Variants in INSYN2B observed in about 807,000 individuals in gnomAD.
INSYN2B encodes inhibitory synaptic factor family member 2B, also known as protein INSYN2B.
A neutral mutation model predicts 41.2 loss-of-function variants in INSYN2B; 16 were observed. The observed-to-expected ratio is 0.39, with a 90% CI of 0.26 to 0.59. The LOEUF (loss-of-function observed/expected upper bound fraction) is 0.59. Among genes scored for constraint, INSYN2B ranks in the 20% least tolerant of loss-of-function variants. The pLI, the probability that INSYN2B is intolerant of heterozygous loss-of-function variation, is 0.57. For synonymous variants in INSYN2B, 245 were observed against 244.4 expected, an observed-to-expected ratio of 1.00 and a Z score of -0.02; for missense variants, 608 against 646.4, an observed-to-expected ratio of 0.94 and a Z score of 0.64.
chr5:169,885,466 C>A (rs1014596208), intron 1 of INSYN2B, among the ~76,000 whole-genome samples: 8 of 152,346 alleles, frequency 5.3e-5, no homozygotes, highest in African/African-American at 1.9e-4. Context: ...GACCTGTGAA[C>A]TCGTTCTGCT....
intron 1 of INSYN2B, among the ~76,000 whole-genome samples, chr5:169,912,938 T>C (rs984719961): frequency 6.6e-6 from 1 of 152,162 alleles, no homozygotes; most frequent in Non-Finnish European, 1.5e-5. Flanking sequence ...GGGTCTGCAG[T>C]TTTGAAGAAA....
At chr5:169,892,058 A>G (rs1163112880) in intron 1 of INSYN2B, among the ~76,000 whole-genome samples, 1 of 152,012 alleles carries the variant, frequency 6.6e-6, no homozygotes, top group Non-Finnish European at 1.5e-5. Flanking sequence ...ACTACAACAA[A>G]CTTTAGACCT....
Position 169,886,816 on chromosome 5 carries a change from C to T in INSYN2B, c.-918-2000G>A, listed in dbSNP as rs190397047. 5.9e-5 allele frequency among the ~76,000 whole-genome samples: 9 copies of T among 152,270 alleles called. No individual in the cohort carries two copies. The East Asian group carries it at 1.5e-3, about 26-fold the overall frequency. On this transcript the variant is annotated intron_variant, in intron 1 of 3. Transcript: ENST00000377365. The stretch of plus-strand genomic sequence containing the variant: ...TGCTTTCTTCTTAACTGCTCATTAG[C>T]ACTTCATTCTGGGAACGATAACTCA...
intron 1 of INSYN2B, among the ~76,000 whole-genome samples, chr5:169,929,814 A>T (rs1301929802): frequency 1.3e-5 from 2 of 151,410 alleles, no homozygotes; most frequent in African/African-American, 2.4e-5. Context: ...TTGACCTAGC[A>T]CTTTCCTATA....
intron 1 of INSYN2B, among the ~76,000 whole-genome samples, chr5:169,895,347 C>A (rs1323038060): frequency 6.6e-6 from 1 of 152,086 alleles, no homozygotes; most frequent in Admixed American, 6.5e-5. Flanking sequence ...GTAGAGAGAA[C>A]CACCCAGCCT....
intron 1 of INSYN2B, among the ~76,000 whole-genome samples, chr5:169,969,150 A>G (rs1777407969): frequency 6.6e-6 from 1 of 152,142 alleles, no homozygotes; most frequent in Non-Finnish European, 1.5e-5. Context: ...CTCTGTTTCA[A>G]AAAAGAAAAA....
At chr5:169,903,309 A>G (rs1774052681) in intron 1 of INSYN2B, among the ~76,000 whole-genome samples, 1 of 98,922 alleles carries the variant, frequency 1.0e-5, no homozygotes, top group Admixed American at 1.2e-4. Context: ...CAACAACAAC[A>G]ATAAAAAAAA....
rs373013317 is a variant in INSYN2B at position 169,945,526 on chromosome 5, G to A, written c.-919+34751C>T. Among the ~76,000 whole-genome samples, 247 of 152,352 alleles carry A rather than the reference G, an allele frequency of 1.6e-3. 3 individuals are homozygous for A. In the South Asian group the frequency reaches 0.043, roughly 27 times the overall value. ...GTTGTCTCATGCAATCTTCCCAGGCGTTCTTTTTTAATTAGGGAGATAGTA... is the reference window on the plus strand; with the variant it reads ...GTTGTCTCATGCAATCTTCCCAGGCATTCTTTTTTAATTAGGGAGATAGTA... On this transcript the variant is annotated intron_variant, in intron 1 of 3. Transcript: ENST00000377365.
At chr5:169,903,070 C>G (rs1774030561) in intron 1 of INSYN2B, among the ~76,000 whole-genome samples, 1 of 151,386 alleles carries the variant, frequency 6.6e-6, no homozygotes, top group Non-Finnish European at 1.5e-5. Context: ...TGTACTCCAG[C>G]CTGGCGACAG....
intron 1 of INSYN2B, among the ~76,000 whole-genome samples, chr5:169,923,990 G>A (rs931228829): frequency 1.3e-5 from 2 of 152,342 alleles, no homozygotes; most frequent in East Asian, 1.9e-4. Flanking sequence ...GATTAATAAC[G>A]TTTATCATTC....
In INSYN2B at chr5:169,893,162, C is replaced by G. The variant is rs753102487; in HGVS notation, c.-918-8346G>C. Among the ~76,000 whole-genome samples, 3 of 152,178 alleles carry G rather than the reference C, an allele frequency of 2.0e-5. No homozygotes were observed. The East Asian group carries it at 5.8e-4, about 29-fold the overall frequency. On this transcript the variant is annotated intron_variant, in intron 1 of 3. Coordinates refer to ENST00000377365, the MANE Select transcript of INSYN2B (RefSeq NM_001129891.3). ...GGGGAATCAGCATCTCTTGAATTTC[C>G]TCTTTTGCAAGCCTCAGGGCACCTG...
intron 1 of INSYN2B, among the ~76,000 whole-genome samples, chr5:169,947,842 T>C (rs1361301378): frequency 2.0e-5 from 3 of 151,400 alleles, no homozygotes; most frequent in African/African-American, 7.3e-5. Context: ...ACAGCATAAA[T>C]ACCTACAGCA....
chr5:169,864,169 G>GC lies in INSYN2B; in HGVS notation c.*103dup. The GC allele has an allele frequency of 2.8e-6, 3 of 1,055,838 alleles. No individual in the cohort carries two copies. The South Asian group carries it at 4.3e-5, about 15-fold the overall frequency. The allele number at this position is 1,055,838 out of a possible 1,614,324, so 65.4% of individuals were successfully genotyped here. On this transcript the variant is annotated 3_prime_UTR_variant, in exon 4 of 4. Coordinates refer to ENST00000377365, the MANE Select transcript of INSYN2B (RefSeq NM_001129891.3). Reference sequence around the variant, plus strand: ...TGTTTCACAGGCCAAGGGGCTCACAGCCCAGGGCCTTTGCAAAGAAGCAGG... The same window carrying GC: ...TGTTTCACAGGCCAAGGGGCTCACAGCCCCAGGGCCTTTGCAAAGAAGCAGG...
At chr5:169,902,341 C>T (rs1468279575) in intron 1 of INSYN2B, among the ~76,000 whole-genome samples, 3 of 152,172 alleles carry the variant, frequency 2.0e-5, no homozygotes. Context: ...TTATATGATC[C>T]TCATGTTCCC....
intron 1 of INSYN2B, among the ~76,000 whole-genome samples, chr5:169,944,505 C>T (rs1776369624): frequency 6.6e-6 from 1 of 152,198 alleles, no homozygotes; most frequent in Non-Finnish European, 1.5e-5. Context: ...GCAGCCAGGC[C>T]TGTGCAGTGA....
chr5:169,932,995 T>C (rs975644731), intron 1 of INSYN2B, among the ~76,000 whole-genome samples: 3 of 152,162 alleles, frequency 2.0e-5, no homozygotes, highest in African/African-American at 7.2e-5. Context: ...TCTGCCTCTG[T>C]CTGCCATTCT....
chr5:169,936,305 AGCAAGG>A (rs1048809261), intron 1 of INSYN2B, among the ~76,000 whole-genome samples: 6 of 152,340 alleles, frequency 3.9e-5, no homozygotes, highest in African/African-American at 1.4e-4. Context: ...GCTAGGCTGC[AGCAAGG>A]GCAGTGGGTT....
chr5:169,970,196 G>A (rs527321259), intron 1 of INSYN2B, among the ~76,000 whole-genome samples: 9 of 152,316 alleles, frequency 5.9e-5, no homozygotes, highest in South Asian at 4.1e-4. Flanking sequence ...TTTGGATGCC[G>A]TGCACAGAAT....
At chr5:169,918,348 A>C (rs1774986260) in intron 1 of INSYN2B, among the ~76,000 whole-genome samples, 1 of 152,238 alleles carries the variant, frequency 6.6e-6, no homozygotes, top group African/African-American at 2.4e-5. Context: ...TCTTCTGCTC[A>C]GTATCTAACC....
Sources: allele counts gnomAD v4.1 joint callset (sites outside exome capture counted in the v4.1 genomes callset), GRCh38; gene constraint gnomAD v4.1.1; transcripts MANE v1.5; gene names NCBI Gene and HGNC (gene_info 2026-07-23, HGNC 2026-07-21).